Variants in TENM2 observed in about 807,000 individuals in gnomAD.
The protein encoded by TENM2 is teneurin transmembrane protein 2, also known as teneurin-2.
Under a neutral mutation model 245.2 loss-of-function variants are expected in TENM2, and 52 were observed. The ratio of observed to expected loss-of-function variants is 0.21; its 90% CI spans 0.17 to 0.27. The LOEUF is 0.27. Ranked by LOEUF, TENM2 falls within the 10% of genes least tolerant of loss-of-function variation. The pLI, the probability that TENM2 is intolerant of heterozygous loss-of-function variation, is 1.00. For synonymous variants in TENM2, 1,363 were observed against 1,438.9 expected (o/e 0.95, Z 1.19); for missense variants, 3,046 against 3,666.8 (o/e 0.83, Z 4.37).
Position 167,450,271 on chromosome 5 carries a change from T to G in TENM2, c.502+74798T>G, listed in dbSNP as rs186035098. On this transcript the variant is annotated intron_variant, in intron 2 of 28. Transcript: ENST00000518659. The stretch of plus-strand genomic sequence containing the variant: ...TGGAACATTGTTCCCTGGATTTTCA[T>G]AAGACATGTTTTGATAGCCCTTGAG... 7.2e-5 allele frequency among the ~76,000 whole-genome samples: 11 copies of G among 152,312 alleles called. No individual in the cohort carries two copies. In the East Asian group the frequency reaches 1.9e-3, roughly 27 times the overall value.
At chr5:168,136,879 T>C (rs898345617) in intron 12 of TENM2, among the ~76,000 whole-genome samples, 1 of 152,230 alleles carries the variant, frequency 6.6e-6, no homozygotes, top group Non-Finnish European at 1.5e-5. Flanking sequence ...AAGGGTTGCC[T>C]TCATTTTGAG....
In TENM2 at chr5:168,249,835, C is replaced by G. The variant is rs370418352; in HGVS notation, c.7432+1464C>G. Among the ~76,000 whole-genome samples, 74 of 151,674 alleles carry G rather than the reference C, an allele frequency of 4.9e-4. 1 individual carries two copies. The Middle Eastern group carries it at 0.02, about 42-fold the overall frequency. On this transcript the variant is annotated intron_variant, in intron 27 of 28. Coordinates refer to ENST00000518659, the Ensembl canonical transcript of TENM2. ...GATCATGACACTGCACTCCAGCCTG[C>G]GCACAGAGTGAGAACCCATCTCACA...
At chr5:167,426,417 C>A (rs774899581) in intron 2 of TENM2, among the ~76,000 whole-genome samples, 11 of 152,026 alleles carry the variant, frequency 7.2e-5, no homozygotes, top group Admixed American at 3.3e-4. Flanking sequence ...CTAAAATAAA[C>A]CTGTCCTTAA....
chr5:167,770,453 T>C (rs1763329130), intron 2 of TENM2, among the ~76,000 whole-genome samples: 1 of 152,192 alleles, frequency 6.6e-6, no homozygotes. Flanking sequence ...TTAGGAGCTT[T>C]GTCTTGACTT....
chr5:168,175,919 G>A (rs1462771787), intron 13 of TENM2, among the ~76,000 whole-genome samples: 3 of 152,114 alleles, frequency 2.0e-5, no homozygotes, highest in South Asian at 2.1e-4. Flanking sequence ...GCCCTTTGAC[G>A]AGCAACACTA....
At chr5:167,205,101 C>A in the TENM2 span, among the ~76,000 whole-genome samples, 2 of 152,214 alleles carry the variant, frequency 1.3e-5, no homozygotes, top group African/African-American at 4.8e-5. Flanking sequence ...TGTTTCTTGG[C>A]CTGTCGCCTT....
intron 13 of TENM2, among the ~76,000 whole-genome samples, chr5:168,176,908 G>C (rs1759410973): frequency 6.6e-6 from 1 of 152,228 alleles, no homozygotes; most frequent in Admixed American, 6.5e-5. Context: ...AGAAAATCCA[G>C]ATATAAAATA....
intron 1 of TENM2, among the ~76,000 whole-genome samples, chr5:167,302,544 C>G (rs904476950): frequency 6.7e-6 from 1 of 149,196 alleles, no homozygotes; most frequent in African/African-American, 2.5e-5. Flanking sequence ...GATCAGGGTG[C>G]AGAGATAAGA....
At chr5:168,111,674 A>G (rs1482225083) in intron 9 of TENM2, among the ~76,000 whole-genome samples, 1 of 152,148 alleles carries the variant, frequency 6.6e-6, no homozygotes, top group Non-Finnish European at 1.5e-5. Context: ...CCACAGAGTG[A>G]CAAATCATCT....
At chr5:167,235,908 C>T in the TENM2 span, among the ~76,000 whole-genome samples, 9 of 152,120 alleles carry the variant, frequency 5.9e-5, no homozygotes, top group African/African-American at 1.9e-4. Flanking sequence ...ATAAAGAGCT[C>T]GGAAGAGATC....
chr5:167,160,924 G>A, the TENM2 span, among the ~76,000 whole-genome samples: 1 of 152,144 alleles, frequency 6.6e-6, no homozygotes, highest in African/African-American at 2.4e-5. Context: ...AAGTCACACA[G>A]CTTATAAGCA....
At chr5:168,120,880 A>T (rs1269477652) in intron 10 of TENM2, among the ~76,000 whole-genome samples, 1 of 152,214 alleles carries the variant, frequency 6.6e-6, no homozygotes, top group Non-Finnish European at 1.5e-5. Context: ...TCCTGCATAA[A>T]CATGGTTGTA....
chr5:167,686,489 G>A (rs1003346974), intron 2 of TENM2, among the ~76,000 whole-genome samples: 32 of 152,146 alleles, frequency 2.1e-4, no homozygotes, highest in Admixed American at 2.0e-3. Flanking sequence ...GGTAGTGTCT[G>A]CATAGTAGTC....
At chr5:167,361,455 G>GT (rs1381136372) in intron 1 of TENM2, among the ~76,000 whole-genome samples, 2 of 152,022 alleles carry the variant, frequency 1.3e-5, no homozygotes, top group Non-Finnish European at 2.9e-5. Flanking sequence ...CTTTCTTATT[G>GT]TGTTTTTGTA....
At chr5:168,109,787 A>G (rs1581334003) in intron 9 of TENM2, among the ~76,000 whole-genome samples, 2 of 152,340 alleles carry the variant, frequency 1.3e-5, no homozygotes, top group East Asian at 3.9e-4. Flanking sequence ...AGATCGAGGC[A>G]GTCGCATCAC....
chr5:167,450,843 A>G (rs1160738294), intron 2 of TENM2, among the ~76,000 whole-genome samples: 1 of 152,154 alleles, frequency 6.6e-6, no homozygotes, highest in African/African-American at 2.4e-5. Flanking sequence ...GGTATGACTT[A>G]TTAGTCAAAA....
chr5:167,732,316 G>T (rs2150561215), intron 2 of TENM2, among the ~76,000 whole-genome samples: 1 of 152,198 alleles, frequency 6.6e-6, no homozygotes, highest in African/African-American at 2.4e-5. Flanking sequence ...AAGCTGTCCA[G>T]GGAGAAAATG....
chr5:167,009,931 T>C, the TENM2 span, among the ~76,000 whole-genome samples: 65,758 of 152,086 alleles, frequency 0.43, 14,552 homozygotes, highest in African/African-American at 0.49. Flanking sequence ...AATGGGTAAG[T>C]TAGTATTAAA....
chr5:167,555,030 A>G (rs1427336701), intron 2 of TENM2, among the ~76,000 whole-genome samples: 1 of 152,062 alleles, frequency 6.6e-6, no homozygotes, highest in African/African-American at 2.4e-5. Context: ...CTGGAAAGCA[A>G]TGGTACCAAT....
Sources: gnomAD v4.1 joint callset for allele counts (sites outside exome capture counted in the v4.1 genomes callset) on GRCh38, gnomAD v4.1.1 for gene constraint, MANE v1.5 for transcripts, NCBI Gene and HGNC (gene_info 2026-07-23, HGNC 2026-07-21) for gene names.